The following ZNF407 variants were observed in gnomAD, a reference collection of about 807,000 sequenced individuals.
The protein encoded by ZNF407 is zinc finger protein 407.
Under a neutral mutation model 131.2 loss-of-function variants are expected in ZNF407, and 17 were observed. The ratio of observed to expected loss-of-function variants is 0.13; its 90% CI spans 0.09 to 0.19. The LOEUF (loss-of-function observed/expected upper bound fraction) is 0.19, where lower values mean the gene tolerates loss of function less well. Ranked by LOEUF, ZNF407 falls within the 10% of genes least tolerant of loss-of-function variation. The pLI is 1.00. For missense variants in ZNF407, 2,681 were observed against 2,830.6 expected (o/e 0.95, Z 1.20); for synonymous variants, 1,156 against 1,062.0 (o/e 1.09, Z -1.72).
chr18:74,692,438 G>A (rs1304862651), intron 3 of ZNF407, among the ~76,000 whole-genome samples: 3 of 152,092 alleles, frequency 2.0e-5, no homozygotes, highest in African/African-American at 7.2e-5. Flanking sequence ...CCATGCTCGT[G>A]ATCTTGCTTT....
intron 8 of ZNF407, among the ~76,000 whole-genome samples, chr18:74,957,775 T>C (rs1405932212): frequency 6.6e-6 from 1 of 152,214 alleles, no homozygotes; most frequent in Non-Finnish European, 1.5e-5. Context: ...GAATGTGTTA[T>C]GGTACAGATC....
chr18:74,671,063 A>C (rs904517671), intron 3 of ZNF407, among the ~76,000 whole-genome samples: 1 of 152,174 alleles, frequency 6.6e-6, no homozygotes, highest in African/African-American at 2.4e-5. Context: ...TTTATCTTGA[A>C]CAACTGAAAC....
intron 7 of ZNF407, among the ~76,000 whole-genome samples, chr18:74,900,124 C>T (rs763859255): frequency 9.2e-5 from 14 of 152,168 alleles, no homozygotes; most frequent in East Asian, 7.7e-4. Flanking sequence ...CTGCATTATT[C>T]GTGATGGCTA....
chr18:74,872,959 A>G (rs1331216371), intron 4 of ZNF407, among the ~76,000 whole-genome samples: 1 of 152,158 alleles, frequency 6.6e-6, no homozygotes, highest in African/African-American at 2.4e-5. Context: ...TTAATAATGT[A>G]TTTTGAAGAA....
chr18:74,735,779 T>C (rs1055917646), intron 3 of ZNF407, among the ~76,000 whole-genome samples: 2 of 152,236 alleles, frequency 1.3e-5, no homozygotes, highest in Non-Finnish European at 2.9e-5. Context: ...TGCAACCTTG[T>C]GGCCATATTG....
intron 4 of ZNF407, among the ~76,000 whole-genome samples, chr18:74,855,204 ATTGT>A (rs1029515401): frequency 1.2e-4 from 18 of 152,158 alleles, no homozygotes; most frequent in East Asian, 7.7e-4. Flanking sequence ...TTTTGCTAAG[ATTGT>A]TTGTTCTATT....
intron 5 of ZNF407, among the ~76,000 whole-genome samples, chr18:74,878,520 C>A (rs1971191041): frequency 6.6e-6 from 1 of 152,102 alleles, no homozygotes; most frequent in African/African-American, 2.4e-5. Flanking sequence ...TGTAATTTAT[C>A]GTCGGCGTTT....
intron 8 of ZNF407, among the ~76,000 whole-genome samples, chr18:74,939,825 A>T (rs1056459151): frequency 4.6e-5 from 7 of 152,192 alleles, no homozygotes; most frequent in Non-Finnish European, 8.8e-5. Flanking sequence ...TCCAGTTAAG[A>T]TATTGAGATT....
At chr18:74,926,882 A>G (rs1297902310) in intron 8 of ZNF407, among the ~76,000 whole-genome samples, 2 of 152,204 alleles carry the variant, frequency 1.3e-5, no homozygotes, top group African/African-American at 4.8e-5. Context: ...ATTCTTCAGT[A>G]CGCATATCTT....
intron 8 of ZNF407, among the ~76,000 whole-genome samples, chr18:74,976,039 A>T (rs1474728608): frequency 2.0e-5 from 3 of 152,212 alleles, no homozygotes; most frequent in Non-Finnish European, 4.4e-5. Flanking sequence ...ATGTAAATGT[A>T]TAATCTGGTC....
At chr18:74,728,802 A>G (rs1264381782) in intron 3 of ZNF407, among the ~76,000 whole-genome samples, 2 of 152,234 alleles carry the variant, frequency 1.3e-5, no homozygotes, top group Non-Finnish European at 2.9e-5. Context: ...GGGGAGGCTC[A>G]TCACAAGGAG....
intron 5 of ZNF407, among the ~76,000 whole-genome samples, chr18:74,879,494 G>C (rs1328752733): frequency 6.6e-6 from 1 of 151,462 alleles, no homozygotes; most frequent in South Asian, 2.1e-4. Context: ...TTGTCTTGTG[G>C]GATTAAAAAA....
rs541439929 is a variant in ZNF407 at position 74,895,613 on chromosome 18, A to T, written c.5249+5575A>T. On this transcript the variant is annotated intron_variant, in intron 7 of 8. Transcript: ENST00000299687. ...CCTGAAAGTTGAGTTTAATTTTTTA[A>T]ACATATATTTATCTAAAATATCTCA... is the stretch of plus-strand genomic sequence containing the variant. 5.3e-5 allele frequency among the ~76,000 whole-genome samples: 8 copies of T among 152,320 alleles called. No homozygotes were observed. In the South Asian group the frequency reaches 1.5e-3, roughly 28 times the overall value.
intron 4 of ZNF407, among the ~76,000 whole-genome samples, chr18:74,831,671 C>T (rs953206763): frequency 2.0e-5 from 3 of 152,150 alleles, no homozygotes; most frequent in Non-Finnish European, 4.4e-5. Flanking sequence ...TCTGTGGTTA[C>T]TTGGTTTGCT....
intron 4 of ZNF407, among the ~76,000 whole-genome samples, chr18:74,845,123 A>G (rs1246213794): frequency 6.6e-6 from 1 of 152,234 alleles, no homozygotes; most frequent in African/African-American, 2.4e-5. Context: ...GAGATCCCAG[A>G]GAGAATGCAA....
chr18:74,944,627 T>C (rs1356841482), intron 8 of ZNF407, among the ~76,000 whole-genome samples: 4 of 152,226 alleles, frequency 2.6e-5, no homozygotes, highest in Non-Finnish European at 4.4e-5. Context: ...ATCTAAAAAT[T>C]CATCCTTGCT....
At chr18:74,699,333 C>T (rs751463879) in intron 3 of ZNF407, among the ~76,000 whole-genome samples, 2 of 152,080 alleles carry the variant, frequency 1.3e-5, no homozygotes, top group Non-Finnish European at 2.9e-5. Flanking sequence ...TTTATGAAAA[C>T]ATTCTTGTCA....
chr18:74,985,690 C>T (rs1206486509), intron 8 of ZNF407, among the ~76,000 whole-genome samples: 2 of 152,222 alleles, frequency 1.3e-5, no homozygotes, highest in Non-Finnish European at 2.9e-5. Flanking sequence ...TGAGCTGCCA[C>T]TCACTGCTGG....
intron 3 of ZNF407, among the ~76,000 whole-genome samples, chr18:74,723,374 T>A (rs1391202168): frequency 6.6e-6 from 1 of 152,236 alleles, no homozygotes; most frequent in African/African-American, 2.4e-5. Flanking sequence ...TCTTGAGCAT[T>A]ATGAATTTTA....
Sources: gnomAD v4.1 joint callset for allele counts (sites outside exome capture counted in the v4.1 genomes callset) on GRCh38, gnomAD v4.1.1 for gene constraint, MANE v1.5 for transcripts, NCBI Gene and HGNC (gene_info 2026-07-23, HGNC 2026-07-21) for gene names.